Variants in OXR1 observed in about 807,000 individuals in gnomAD.
OXR1 encodes the protein oxidation resistance protein 1.
OXR1 carries 41 observed loss-of-function variants against 104.6 expected under a neutral mutation model. The observed-to-expected ratio is 0.39, with a 90% CI of 0.31 to 0.51. The LOEUF (loss-of-function observed/expected upper bound fraction) is 0.51. Ranked by LOEUF, OXR1 falls within the 20% of genes least tolerant of loss-of-function variation. The pLI is 0.77. For synonymous variants in OXR1, 348 were observed against 348.4 expected, an observed-to-expected ratio of 1.00 and a Z score of 0.01; for missense variants, 955 against 1,031.9, an observed-to-expected ratio of 0.93 and a Z score of 1.02.
At chr8:106,427,310 G>C (rs1384822495) in intron 2 of OXR1, among the ~76,000 whole-genome samples, 1 of 152,038 alleles carries the variant, frequency 6.6e-6, no homozygotes, top group African/African-American at 2.4e-5. Context: ...GGGACTACAG[G>C]TGACCACCAC....
intron 3 of OXR1, among the ~76,000 whole-genome samples, chr8:106,633,531 C>G (rs1822883219): frequency 6.6e-6 from 1 of 152,132 alleles, no homozygotes; most frequent in South Asian, 2.1e-4. Context: ...ATCTGAAAAA[C>G]TCAAGCCCAA....
intron 3 of OXR1, among the ~76,000 whole-genome samples, chr8:106,526,534 G>A (rs1301559395): frequency 1.3e-5 from 2 of 152,122 alleles, no homozygotes; most frequent in African/African-American, 2.4e-5. Context: ...AGTATATACA[G>A]GGAAGTTGGT....
intron 3 of OXR1, among the ~76,000 whole-genome samples, chr8:106,576,922 C>T (rs556136113): frequency 6.6e-6 from 1 of 152,048 alleles, no homozygotes; most frequent in Non-Finnish European, 1.5e-5. Flanking sequence ...ATGAGAGTGG[C>T]ATGTTTATGT....
At chr8:106,443,891 T>C (rs1051402085) in intron 2 of OXR1, among the ~76,000 whole-genome samples, 1 of 152,100 alleles carries the variant, frequency 6.6e-6, no homozygotes, top group Non-Finnish European at 1.5e-5. Context: ...GAAACTATCA[T>C]CAGAGTTCAC....
At chr8:106,678,440 G>T (rs1827815814) in intron 3 of OXR1, among the ~76,000 whole-genome samples, 1 of 151,874 alleles carries the variant, frequency 6.6e-6, no homozygotes, top group South Asian at 2.1e-4. Flanking sequence ...ATTTAATTTT[G>T]TGATTTATTT....
At chr8:106,497,462 C>T (rs1811490195) in intron 2 of OXR1, among the ~76,000 whole-genome samples, 1 of 152,066 alleles carries the variant, frequency 6.6e-6, no homozygotes, top group Admixed American at 6.6e-5. Context: ...GCCTTGCTTT[C>T]ATCTCAAAAT....
intron 3 of OXR1, among the ~76,000 whole-genome samples, chr8:106,539,022 C>T (rs1239298355): frequency 2.6e-5 from 4 of 152,150 alleles, no homozygotes; most frequent in African/African-American, 9.7e-5. Flanking sequence ...TTTAAATCCA[C>T]ATTTGACTTC....
chr8:106,499,471 G>A (rs1232393356), intron 2 of OXR1, among the ~76,000 whole-genome samples: 2 of 152,018 alleles, frequency 1.3e-5, no homozygotes, highest in Non-Finnish European at 2.9e-5. Context: ...AGTCTATGTT[G>A]ACAGCAGTAC....
At chr8:106,318,553 T>C (rs974026856) in intron 1 of OXR1, among the ~76,000 whole-genome samples, 4 of 152,232 alleles carry the variant, frequency 2.6e-5, no homozygotes, top group Non-Finnish European at 5.9e-5. Flanking sequence ...GATTTCAGTC[T>C]TCTTTGAAAT....
intron 2 of OXR1, among the ~76,000 whole-genome samples, chr8:106,459,837 A>G (rs1820808184): frequency 6.6e-6 from 1 of 152,178 alleles, no homozygotes; most frequent in Admixed American, 6.5e-5. Context: ...GACACTCCTT[A>G]TACTAAAGGC....
intron 2 of OXR1, among the ~76,000 whole-genome samples, chr8:106,370,728 T>G (rs1816670131): frequency 6.6e-6 from 1 of 152,244 alleles, no homozygotes; most frequent in Non-Finnish European, 1.5e-5. Flanking sequence ...GAACTAGACT[T>G]GCTTCCAAGG....
rs1430019386 is a variant in OXR1 at position 106,740,513 on chromosome 8, C to T, written c.2316+18C>T. 1 of 1,594,372 alleles carries T rather than the reference C, an allele frequency of 6.3e-7. No homozygotes were observed. Among genetic ancestry groups the T allele is most frequent in the African/African-American group, 1.4e-5 (1 of 73,998 alleles). On this transcript the variant is annotated intron_variant, in intron 14 of 16. Transcript: ENST00000517566. ...ATGGACAGGTATGAAACACCAACTG[C>T]ATAGATTGCTTATCCTTTAAGAGCA...
At chr8:106,606,279 T>C (rs1189954700) in intron 3 of OXR1, among the ~76,000 whole-genome samples, 1 of 148,660 alleles carries the variant, frequency 6.7e-6, no homozygotes, top group Non-Finnish European at 1.5e-5. Flanking sequence ...AGCATATCAC[T>C]ATGATACTCT....
At chr8:106,392,848 T>A (rs183389462) in intron 2 of OXR1, among the ~76,000 whole-genome samples, 80 of 152,318 alleles carry the variant, frequency 5.3e-4, no homozygotes, top group African/African-American at 1.8e-3. Flanking sequence ...CATCACCCAA[T>A]AGATGTACCA....
At chr8:106,716,906 A>T (rs1263707436) in intron 11 of OXR1, among the ~76,000 whole-genome samples, 2 of 152,150 alleles carry the variant, frequency 1.3e-5, no homozygotes, top group African/African-American at 4.8e-5. Flanking sequence ...TGCCTAAAAA[A>T]ATGTTTGTTA....
intron 12 of OXR1, among the ~76,000 whole-genome samples, chr8:106,738,386 C>T (rs1422217182): frequency 6.6e-6 from 1 of 151,860 alleles, no homozygotes; most frequent in Non-Finnish European, 1.5e-5. Flanking sequence ...GAGTATTTAG[C>T]TTCTTGTCAA....
chr8:106,580,023 G>T (rs1337525460), intron 3 of OXR1, among the ~76,000 whole-genome samples: 1 of 152,182 alleles, frequency 6.6e-6, no homozygotes, highest in Non-Finnish European at 1.5e-5. Flanking sequence ...TTTTCTTCCT[G>T]TGTATGATTG....
chr8:106,544,658 G>A (rs1037568227), intron 3 of OXR1, among the ~76,000 whole-genome samples: 1 of 152,048 alleles, frequency 6.6e-6, no homozygotes, highest in African/African-American at 2.4e-5. Context: ...ATATAATGCT[G>A]AATCTCGTCA....
At chr8:106,584,924 G>A (rs929956633) in intron 3 of OXR1, among the ~76,000 whole-genome samples, 22 of 151,998 alleles carry the variant, frequency 1.4e-4, no homozygotes, top group Admixed American at 5.9e-4. Context: ...GGGTGGGATT[G>A]GGGGGATTGC....
Sources: gnomAD v4.1 joint callset for allele counts (sites outside exome capture counted in the v4.1 genomes callset) on GRCh38, gnomAD v4.1.1 for gene constraint, MANE v1.5 for transcripts, NCBI Gene and HGNC (gene_info 2026-07-23, HGNC 2026-07-21) for gene names.